Variants in CDKL4 observed in about 807,000 individuals in gnomAD.
CDKL4 encodes cyclin-dependent kinase-like 4.
A neutral mutation model predicts 42.0 loss-of-function variants in CDKL4; 44 were observed. That is an observed-to-expected ratio of 1.05 (90% confidence interval 0.82 to 1.35). The LOEUF (loss-of-function observed/expected upper bound fraction) is 1.35. Ranked by LOEUF, CDKL4 falls within the 40% of genes most tolerant of loss-of-function variation. The probability of loss-of-function intolerance (pLI) is 0.00; values close to 1 mark genes in which losing one functional copy is unlikely to be tolerated. For synonymous variants in CDKL4, 120 were observed against 121.6 expected (o/e 0.99, Z 0.09); for missense variants, 393 against 369.9 (o/e 1.06, Z -0.51).
chr2:39,175,798 T>G, exon 10 of CDKL4: 1 of 298,412 alleles, frequency 3.4e-6, no homozygotes, highest in Non-Finnish European at 6.5e-6. Context: ...TTTATAACAT[T>G]TAAAGAAAAT....
chr2:39,193,362 T>C (rs940188120), intron 5 of CDKL4, among the ~76,000 whole-genome samples: 1 of 149,810 alleles, frequency 6.7e-6, no homozygotes, highest in African/African-American at 2.4e-5. Flanking sequence ...ATAAAATTAT[T>C]ATTATTATTA....
chr2:39,231,500 T>C (rs1212136432), intron 1 of CDKL4, among the ~76,000 whole-genome samples: 2 of 152,244 alleles, frequency 1.3e-5, no homozygotes, highest in Non-Finnish European at 2.9e-5. Context: ...TGACATACTA[T>C]TTTTTACAGT....
chr2:39,220,182 C>T (rs1000733955), intron 3 of CDKL4, among the ~76,000 whole-genome samples: 1 of 152,190 alleles, frequency 6.6e-6, no homozygotes, highest in African/African-American at 2.4e-5. Flanking sequence ...ATTCATGTAA[C>T]TAAGAGCACC....
intron 1 of CDKL4, among the ~76,000 whole-genome samples, chr2:39,236,168 A>C (rs76320901): frequency 0.033 from 4,938 of 151,282 alleles, 117 homozygotes; most frequent in South Asian, 0.056. Flanking sequence ...AAAAAAAAAA[A>C]AAACCAGAAA....
At chr2:39,192,576 T>C (rs1676256595) in intron 5 of CDKL4, among the ~76,000 whole-genome samples, 1 of 151,598 alleles carries the variant, frequency 6.6e-6, no homozygotes, top group Non-Finnish European at 1.5e-5. Flanking sequence ...TCTCACTATG[T>C]TGCTCAGGCC....
chr2:39,220,479 G>C (rs1315273658), intron 3 of CDKL4, among the ~76,000 whole-genome samples: 2 of 152,146 alleles, frequency 1.3e-5, no homozygotes, highest in Admixed American at 6.5e-5. Flanking sequence ...TTATAACGGG[G>C]AATGTATGAA....
chr2:39,212,528 C>T (rs113753524), intron 4 of CDKL4, among the ~76,000 whole-genome samples: 2,663 of 151,212 alleles, frequency 0.018, 65 homozygotes, highest in African/African-American at 0.061. Flanking sequence ...CCACCATGCC[C>T]GGCCGGAAAC....
At chr2:39,207,611 C>T (rs1281023608) in intron 4 of CDKL4, among the ~76,000 whole-genome samples, 1 of 152,148 alleles carries the variant, frequency 6.6e-6, no homozygotes, top group African/African-American at 2.4e-5. Context: ...CAATATCTGT[C>T]CATTGGCCTA....
chr2:39,170,594 T>C, the CDKL4 span, among the ~76,000 whole-genome samples: 1 of 151,968 alleles, frequency 6.6e-6, no homozygotes, highest in East Asian at 1.9e-4. Context: ...GTAGCTGGGA[T>C]TACAGGCGCC....
chr2:39,189,636 G>T (rs1676053633), intron 6 of CDKL4, among the ~76,000 whole-genome samples: 1 of 152,130 alleles, frequency 6.6e-6, no homozygotes, highest in Admixed American at 6.5e-5. Context: ...TTTCTGTACA[G>T]CTTGTGACCT....
intron 8 of CDKL4, among the ~76,000 whole-genome samples, 190 bp downstream of exon 8, chr2:39,184,401 A>G (rs1453658520): frequency 2.0e-5 from 3 of 152,170 alleles, no homozygotes; most frequent in Admixed American, 6.5e-5. Flanking sequence ...ATGTTAATAG[A>G]TATGTTAGAA....
At chr2:39,214,660 C>T (rs1474966217) in intron 3 of CDKL4, among the ~76,000 whole-genome samples, 1 of 152,170 alleles carries the variant, frequency 6.6e-6, no homozygotes, top group Non-Finnish European at 1.5e-5. Context: ...AGACCGGAGA[C>T]TTGGTTTTGC....
intron 4 of CDKL4, among the ~76,000 whole-genome samples, chr2:39,205,653 A>C (rs966689191): frequency 2.7e-5 from 4 of 148,652 alleles, no homozygotes; most frequent in African/African-American, 9.8e-5. Context: ...CCAGCTACTC[A>C]GGAGGCTGAG....
chr2:39,214,355 CT>C (rs1031912540), intron 3 of CDKL4, among the ~76,000 whole-genome samples: 54 of 152,312 alleles, frequency 3.5e-4, no homozygotes, highest in African/African-American at 1.3e-3. Flanking sequence ...AATTTCACCC[CT>C]GACCACTTTG....
At chr2:39,245,011 A>G (rs1002066316), upstream of CDKL4, among the ~76,000 whole-genome samples, 9 of 152,184 alleles carry the variant, frequency 5.9e-5, no homozygotes, top group African/African-American at 2.2e-4. Context: ...CACACCAGTC[A>G]GCACCCTGTC....
intron 1 of CDKL4, among the ~76,000 whole-genome samples, chr2:39,235,097 C>T (rs1001973992): frequency 6.6e-6 from 1 of 152,006 alleles, no homozygotes; most frequent in Non-Finnish European, 1.5e-5. Context: ...GGGCTGGTCT[C>T]AAACTCCTGG....
At chr2:39,243,067 TG>T (rs1366084688) in intron 1 of CDKL4, among the ~76,000 whole-genome samples, 3 of 120,728 alleles carry the variant, frequency 2.5e-5, no homozygotes, top group Non-Finnish European at 4.8e-5. Flanking sequence ...CGAGCCAAGG[TG>T]GCGCCACCGC....
chr2:39,192,514 C>G (rs958187861), intron 5 of CDKL4, among the ~76,000 whole-genome samples: 40 of 148,572 alleles, frequency 2.7e-4, no homozygotes, highest in African/African-American at 9.6e-4. Flanking sequence ...GGGCTTGAAA[C>G]CATGCCTGGT....
chr2:39,185,241 CATATATACACATATGTATATATACAT>C (rs1406819306), intron 7 of CDKL4, among the ~76,000 whole-genome samples: 2,345 of 7,450 alleles, frequency 0.31, 219 homozygotes, highest in Admixed American at 0.35. Context: ...CGTATATATA[CATATATACACATATGTATATATACAT>C]ATATATACAC....
Sources: gnomAD v4.1 joint callset for allele counts (sites outside exome capture counted in the v4.1 genomes callset) on GRCh38, gnomAD v4.1.1 for gene constraint, MANE v1.5 for transcripts, NCBI Gene and HGNC (gene_info 2026-07-23, HGNC 2026-07-21) for gene names.